COL27A1: variants seen among roughly 807,000 people sequenced by gnomAD.
COL27A1 encodes the protein collagen alpha-1(XXVII) chain.
Under a neutral mutation model 251.3 loss-of-function variants are expected in COL27A1, and 106 were observed. The ratio of observed to expected loss-of-function variants is 0.42; its 90% CI spans 0.36 to 0.50. COL27A1 has a LOEUF of 0.50. Ranked by LOEUF, COL27A1 falls within the 20% of genes least tolerant of loss-of-function variation. The probability of loss-of-function intolerance (pLI) is 0.00; values close to 1 mark genes in which losing one functional copy is unlikely to be tolerated. For missense variants in COL27A1, 2,325 were observed against 2,522.8 expected (o/e 0.92, Z 1.68); for synonymous variants, 1,000 against 986.3 (o/e 1.01, Z -0.26).
chr9:114,299,048 C>A (rs1828437912), intron 49 of COL27A1, among the ~76,000 whole-genome samples: 1 of 152,122 alleles, frequency 6.6e-6, no homozygotes, highest in African/African-American at 2.4e-5. Flanking sequence ...ACCAAGAGAA[C>A]CACCAATAGC....
chr9:114,260,604 G>A (rs551237524), intron 28 of COL27A1, among the ~76,000 whole-genome samples: 4 of 152,194 alleles, frequency 2.6e-5, no homozygotes, highest in South Asian at 2.1e-4. Flanking sequence ...TGTGTAGGAC[G>A]GGCCCTGCTC....
chr9:114,216,617 C>T (rs546375928), intron 12 of COL27A1, among the ~76,000 whole-genome samples: 10 of 152,294 alleles, frequency 6.6e-5, no homozygotes, highest in South Asian at 4.1e-4. Context: ...ACATCAAGAA[C>T]GTCTCGGGTC....
chr9:114,175,711 C>A (rs1484533322), intron 3 of COL27A1, among the ~76,000 whole-genome samples: 7 of 152,162 alleles, frequency 4.6e-5, no homozygotes, highest in African/African-American at 1.4e-4. Context: ...AGAAGACATG[C>A]CAAGAGGGAG....
In COL27A1 at chr9:114,168,675, G is replaced by A. The variant is rs1320994477; in HGVS notation, c.1120G>A (p.Ala374Thr). Reference protein sequence around the residue: ...IPKSLPTKPSAPSTSIVPIKS... With the variant: ...IPKSLPTKPSTPSTSIVPIKS... Reference sequence around the variant, plus strand: ...CAAAAGCCTCCCTACCAAGCCTTCGGCCCCTTCTACTTCAATTGTGCCCAT... The same window carrying A: ...CAAAAGCCTCCCTACCAAGCCTTCGACCCCTTCTACTTCAATTGTGCCCAT... The change falls in exon 3 of 61, where the codon GCC (alanine) becomes ACC (threonine). Residue 374 changes from alanine (A) to threonine (T), a missense_variant. Coordinates refer to ENST00000356083, the MANE Select transcript of COL27A1 (RefSeq NM_032888.4). 6.2e-7 allele frequency: 1 copy of A among 1,614,066 alleles called. No individual in the cohort carries two copies. The highest frequency in any genetic ancestry group is 8.5e-7 in the Non-Finnish European group (1 of 1,180,030).
In COL27A1 at chr9:114,282,493, G is replaced by A. The variant is rs1275066385; in HGVS notation, c.3808G>A (p.Gly1270Ser). ...CTATCAAGGACAGCTGGGTGAGATG[G>A]GCGTCCCTGGAGACCCTGGACCCCC... Reference protein sequence around the residue: ...KGYQGQLGEMGVPGDPGPPGT... With the variant: ...KGYQGQLGEMSVPGDPGPPGT... The change falls in exon 39 of 61, where the codon GGC becomes AGC. Residue 1270 changes from glycine (G) to serine (S), a missense_variant. Physicochemically the swap from Gly to Ser is moderately conservative, Grantham distance 56. Coordinates refer to ENST00000356083, the MANE Select transcript of COL27A1 (RefSeq NM_032888.4). 2.5e-6 allele frequency: 4 copies of A among 1,591,594 alleles called. No individual in the cohort carries two copies. The highest frequency in any genetic ancestry group is 3.4e-6 in the Non-Finnish European group (4 of 1,169,604).
At chr9:114,255,347 G>C (rs1470380643) in intron 27 of COL27A1, among the ~76,000 whole-genome samples, 2 of 152,168 alleles carry the variant, frequency 1.3e-5, no homozygotes, top group African/African-American at 2.4e-5. Context: ...AGCATGGGGG[G>C]TGCCCAGAGT....
intron 34 of COL27A1, among the ~76,000 whole-genome samples, chr9:114,268,404 T>C (rs1355422180): frequency 6.6e-6 from 1 of 152,234 alleles, no homozygotes; most frequent in Non-Finnish European, 1.5e-5. Flanking sequence ...GGAGCATAGC[T>C]TGAAAATTCT....
intron 14 of COL27A1, among the ~76,000 whole-genome samples, chr9:114,224,452 C>T (rs976456487): frequency 1.3e-5 from 2 of 152,142 alleles, no homozygotes; most frequent in African/African-American, 4.8e-5. Context: ...GCTCCTTCTT[C>T]AGGCTAAACA....
intron 37 of COL27A1, among the ~76,000 whole-genome samples, chr9:114,281,789 C>T (rs1454125248): frequency 6.6e-6 from 1 of 151,174 alleles, no homozygotes; most frequent in Non-Finnish European, 1.5e-5. Context: ...GCAGCTGGGA[C>T]CCTGGGCAAA....
intron 41 of COL27A1, among the ~76,000 whole-genome samples, chr9:114,287,911 A>C (rs1004504855): frequency 4.6e-5 from 7 of 152,160 alleles, no homozygotes; most frequent in African/African-American, 1.7e-4. Context: ...CATCTGCTTC[A>C]CAGCACTGCA....
At chr9:114,270,310 CAAG>C (rs1835053722) in intron 35 of COL27A1, among the ~76,000 whole-genome samples, 1 of 152,200 alleles carries the variant, frequency 6.6e-6, no homozygotes. Context: ...AATGAGAAAC[CAAG>C]AAGTAGCATT....
At chr9:114,158,194 G>T (rs1158840209) in intron 1 of COL27A1, among the ~76,000 whole-genome samples, 1 of 152,196 alleles carries the variant, frequency 6.6e-6, no homozygotes, top group Non-Finnish European at 1.5e-5. Flanking sequence ...TTTACCCCAT[G>T]CGTGAACAGC....
At position 114,243,576 on chromosome 9, in the gene COL27A1, G is replaced by A. The variant is rs887207415; in HGVS notation, c.2934+16G>A. 1 of 1,608,248 alleles carries A rather than the reference G, an allele frequency of 6.2e-7. No homozygotes were observed. Among genetic ancestry groups the A allele is most frequent in the South Asian group, 1.1e-5 (1 of 90,806 alleles). On this transcript the variant is annotated intron_variant, in intron 23 of 60. Transcript: ENST00000356083. ...TGGCGTGAAGGTGAGGGGACCTGGA[G>A]ATCCCTGGGGACAAGAGGAAAGAGG...
In COL27A1 at chr9:114,282,527, C is replaced by G; in HGVS notation, c.3842C>G (p.Pro1281Arg). Residue 1281 changes from proline to arginine, a missense_variant, in exon 39 of 61, where the codon CCA (proline) becomes CGA (arginine). By Grantham distance (103) the Pro-to-Arg change is moderately radical (BLOSUM62 -2). This residue lies in a region of COL27A1 where 662 missense variants were observed against 795.3 expected (regional missense o/e 0.83). Transcript: ENST00000356083. ...VPGDPGPPGT[P>R]GPKGSRGSLG... ...GGAGACCCTGGACCCCCTGGCACTCCAGGCCCTAAAGGGTCCCGGGGCAGC... is the reference window on the plus strand; with the variant it reads ...GGAGACCCTGGACCCCCTGGCACTCGAGGCCCTAAAGGGTCCCGGGGCAGC... The G allele has an allele frequency of 3.8e-6, 6 of 1,560,762 alleles. No individual in the cohort carries two copies. The highest frequency in any genetic ancestry group is 5.2e-6 in the Non-Finnish European group (6 of 1,156,116).
At chr9:114,234,027 T>C (rs1381635652) in intron 16 of COL27A1, among the ~76,000 whole-genome samples, 2 of 152,090 alleles carry the variant, frequency 1.3e-5, no homozygotes, top group Non-Finnish European at 2.9e-5. Context: ...CAGCCTGGAC[T>C]CAGTCCCACT....
intron 43 of COL27A1, 32 bp from the exon 44 acceptor site, chr9:114,288,882 G>A: frequency 6.2e-7 from 1 of 1,613,158 alleles, no homozygotes; most frequent in Non-Finnish European, 8.5e-7. Flanking sequence ...TGCAGGATGG[G>A]CCCCCCTCAC....
Position 114,228,317 on chromosome 9 carries a change from G to A in COL27A1, c.2467-2762G>A, listed in dbSNP as rs538375065. Among the ~76,000 whole-genome samples, 10 of 152,368 alleles carry A rather than the reference G, an allele frequency of 6.6e-5. No homozygotes were observed. In the South Asian group the frequency reaches 1.9e-3, roughly 28 times the overall value. ...TGGCGGCCCCTCTGCCTGCCGCCCT[G>A]CCTGGCCCCCGGCAGAGAAAGACTC... On this transcript the variant is annotated intron_variant, in intron 14 of 60. Transcript: ENST00000356083.
Position 114,290,337 on chromosome 9 carries a change from C to A in COL27A1, c.4368+6C>A. ...ACGGGCAAGCAGGACAGCAGGTGAG[C>A]GGGAATTGGCATTAACAGATGGTGG... On this transcript the variant is annotated splice_donor_region_variant and intron_variant, in intron 47 of 60. Coordinates refer to ENST00000356083, the MANE Select transcript of COL27A1 (RefSeq NM_032888.4). The surrounding 1 kb of genome is among the most constrained non-coding windows in gnomAD (Gnocchi z 4.6). The A allele has an allele frequency of 3.2e-6, 5 of 1,566,666 alleles. No homozygotes were observed. Among genetic ancestry groups the A allele is most frequent in the South Asian group, 2.3e-5 (2 of 85,416 alleles).
chr9:114,306,393 C>G (rs1268189863), intron 57 of COL27A1, 127 bp from the exon 58 acceptor site: 2 of 880,900 alleles, frequency 2.3e-6, no homozygotes, highest in Non-Finnish European at 3.4e-6. Flanking sequence ...AAACCCAACC[C>G]GTGCTCTAGC....
Sources: gnomAD v4.1 joint callset for allele counts (sites outside exome capture counted in the v4.1 genomes callset) on GRCh38, gnomAD v4.1.1 for gene constraint, gnomAD v4.1.1 regional missense constraint, Gnocchi (gnomAD v3.1) non-coding constraint, MANE v1.5 for transcripts, NCBI Gene and HGNC (gene_info 2026-07-23, HGNC 2026-07-21) for gene names.